Variants in C16orf96 observed in about 807,000 individuals in gnomAD.
The protein encoded by C16orf96 is uncharacterized protein C16orf96.
In C16orf96, 108 loss-of-function variants were observed where a neutral mutation model predicts 103.6. The observed-to-expected ratio is 1.04, with a 90% CI of 0.89 to 1.22. The LOEUF (loss-of-function observed/expected upper bound fraction) is 1.22. C16orf96 is among the 50% of genes most tolerant of loss of function. The pLI is 0.00. For synonymous variants in C16orf96, 566 were observed against 593.5 expected (o/e 0.95, Z 0.67); for missense variants, 1,586 against 1,464.2 (o/e 1.08, Z -1.36).
At chr16:4,578,569 C>T (rs558516269) in intron 5 of C16orf96, among the ~76,000 whole-genome samples, 2 of 152,164 alleles carry the variant, frequency 1.3e-5, no homozygotes, top group South Asian at 4.2e-4. Context: ...ACCAACCTGG[C>T]CAACATGGTG....
At chr16:4,548,805 G>A in the C16orf96 span, among the ~76,000 whole-genome samples, 43 of 151,352 alleles carry the variant, frequency 2.8e-4, no homozygotes, top group Non-Finnish European at 3.7e-4. Context: ...CCCGGGAGGC[G>A]GAGGTTGCAG....
At chr16:4,599,204 AC>A in intron 14 of C16orf96, 79 bp from the exon 15 acceptor site, 1 of 1,254,230 alleles carries the variant, frequency 8.0e-7, no homozygotes, top group Non-Finnish European at 1.1e-6. Context: ...CCAGAGGGAG[AC>A]TGCCCAGTGC....
chr16:4,544,105 G>A, the C16orf96 span, among the ~76,000 whole-genome samples: 5 of 152,174 alleles, frequency 3.3e-5, no homozygotes, highest in Admixed American at 6.5e-5. Flanking sequence ...GGTAGGCAAA[G>A]GGTTGGTCCC....
rs535442598 is a variant in C16orf96, at chr16:4,556,425, C to T, written c.-65C>T. On this transcript the variant is annotated 5_prime_UTR_variant, in exon 1 of 16. Coordinates refer to ENST00000444310, the MANE Select transcript of C16orf96 (RefSeq NM_001145011.2). ...CCAGTCCATGTAGCTCTCGGAACCA[C>T]TGAAAGCTACCCCTTGTCCTTGAGG... 1.2e-4 allele frequency: 170 copies of T among 1,452,582 alleles called. 1 individual carries two copies. The South Asian group carries it at 2.2e-3, about 19-fold the overall frequency. 90.0% of individuals were successfully genotyped at this position (1,452,582 alleles called of 1,614,324 possible).
chr16:4,556,471 A>G lies in C16orf96; in HGVS notation c.-19A>G. 1.3e-6 allele frequency: 2 copies of G among 1,505,596 alleles called. No individual in the cohort carries two copies. The highest frequency in any genetic ancestry group is 1.3e-5 in the South Asian group (1 of 77,592). The allele number at this position is 1,505,596 out of a possible 1,614,324, so 93.3% of individuals were successfully genotyped here. ...TGAGGACACCTGGAACCCCAGCCCC[A>G]CTGACCCACCCTGGCAGGATGAGCT... On this transcript the variant is annotated 5_prime_UTR_variant, in exon 1 of 16. Transcript: ENST00000444310.
At chr16:4,581,493 C>T (rs1288384270) in intron 7 of C16orf96, among the ~76,000 whole-genome samples, 24 of 151,596 alleles carry the variant, frequency 1.6e-4, no homozygotes, top group African/African-American at 4.8e-4. Context: ...ATTAGCCGGG[C>T]GTGGTGGCTG....
intron 6 of C16orf96, 77 bp from the exon 7 acceptor site, chr16:4,579,938 A>T: frequency 3.2e-6 from 4 of 1,259,180 alleles, no homozygotes; most frequent in Non-Finnish European, 3.4e-6. Flanking sequence ...CTTGGCCTCA[A>T]CCCTCCCTCA....
At chr16:4,547,685 CTTCCTTCT>C in the C16orf96 span, among the ~76,000 whole-genome samples, 196 of 107,728 alleles carry the variant, frequency 1.8e-3, 3 homozygotes, top group African/African-American at 9.9e-3. Flanking sequence ...TCCTTCCTTC[CTTCCTTCT>C]TTCTTTCTTT....
At position 4,556,669 on chromosome 16, in the gene C16orf96, C is replaced by G. The variant is rs1307541301; in HGVS notation, c.180C>G (p.Ile60Met). 1 of 1,551,520 alleles carries G rather than the reference C, an allele frequency of 6.4e-7. No individual in the cohort carries two copies. Among genetic ancestry groups the G allele is most frequent in the Non-Finnish European group, 8.7e-7 (1 of 1,146,806 alleles). ...TCCTGCAGACCTCGCAGGTGGTCAT[C>G]ATGCCCAGGGAAGGAGACGCCCAGC... is the stretch of plus-strand genomic sequence containing the variant. ...EDFLQTSQVV[I>M]MPREGDAQPI... Residue 60 changes from isoleucine to methionine, a missense_variant, in exon 1 of 16, where the codon ATC (isoleucine) becomes ATG (methionine). By Grantham distance (10) the Ile-to-Met change is conservative. Transcript: ENST00000444310.
chr16:4,598,858 C>T (rs1283047593), intron 14 of C16orf96, among the ~76,000 whole-genome samples: 1 of 152,134 alleles, frequency 6.6e-6, no homozygotes, highest in Admixed American at 6.5e-5. Context: ...TGGTTCACGC[C>T]TGTAATTTCA....
intron 2 of C16orf96, among the ~76,000 whole-genome samples, chr16:4,573,484 G>C (rs1353801763): frequency 6.7e-6 from 1 of 149,048 alleles, no homozygotes; most frequent in Non-Finnish European, 1.5e-5. Context: ...GCGGCATGGT[G>C]GTTCACGCCT....
intron 7 of C16orf96, among the ~76,000 whole-genome samples, chr16:4,585,530 A>C (rs1462432767): frequency 1.3e-5 from 2 of 152,226 alleles, no homozygotes; most frequent in Admixed American, 1.3e-4. Context: ...AACGAGCCCA[A>C]GCCTGCTGGG....
Position 4,574,962 on chromosome 16 carries a change from C to T in C16orf96, c.607-10C>T, listed in dbSNP as rs921369497. 3.2e-6 allele frequency: 5 copies of T among 1,550,970 alleles called. No individual in the cohort carries two copies. Among genetic ancestry groups the T allele is most frequent in the Admixed American group, 2.0e-5 (1 of 50,984 alleles). ...GCTCACAGCCCTCATTTTCTACCCC[C>T]ACCTTGCAGGCTTCTCTCCAGAATA... is the stretch of plus-strand genomic sequence containing the variant. On this transcript the variant is annotated splice_polypyrimidine_tract_variant and intron_variant, in intron 3 of 15. Coordinates refer to ENST00000444310, the MANE Select transcript of C16orf96 (RefSeq NM_001145011.2).
intron 11 of C16orf96, among the ~76,000 whole-genome samples, chr16:4,592,626 G>A (rs1470774251): frequency 1.3e-5 from 2 of 152,216 alleles, no homozygotes; most frequent in African/African-American, 4.8e-5. Context: ...TGTGCCATGT[G>A]TATCCACATT....
At chr16:4,581,485 T>G (rs1270157957) in intron 7 of C16orf96, among the ~76,000 whole-genome samples, 3 of 151,350 alleles carry the variant, frequency 2.0e-5, no homozygotes, top group Non-Finnish European at 2.9e-5. Flanking sequence ...TACAAAAAAT[T>G]AGCCGGGCGT....
the C16orf96 span, among the ~76,000 whole-genome samples, chr16:4,550,630 C>G: frequency 1.1e-4 from 17 of 152,280 alleles, no homozygotes; most frequent in African/African-American, 2.9e-4. Flanking sequence ...CAACAAGGAA[C>G]CTGCAAATGT....
At chr16:4,596,367 C>G (rs1409249927) in intron 14 of C16orf96, among the ~76,000 whole-genome samples, 1 of 152,078 alleles carries the variant, frequency 6.6e-6, no homozygotes, top group Non-Finnish European at 1.5e-5. Context: ...CGCCGTTAAT[C>G]CCAGCTACTC....
Position 4,593,234 on chromosome 16 carries a change from A to G in C16orf96, c.2785A>G (p.Thr929Ala). 6.4e-7 allele frequency: 1 copy of G among 1,550,940 alleles called. No individual in the cohort carries two copies. Among genetic ancestry groups the G allele is most frequent in the Non-Finnish European group, 8.7e-7 (1 of 1,146,798 alleles). ...VEMMTGPQLI[T>A]IRKAHLLSRL... Reference sequence around the variant, plus strand: ...CTTGTCCTCCAACAGACAGCTGATCACCATCCGCAAAGCCCACCTGCTGTC... The same window carrying G: ...CTTGTCCTCCAACAGACAGCTGATCGCCATCCGCAAAGCCCACCTGCTGTC... The change falls in exon 12 of 16, where the codon ACC becomes GCC. Residue 929 changes from threonine (T) to alanine (A), a missense_variant. Thr to Ala is a moderately conservative substitution (Grantham distance 58). Coordinates refer to ENST00000444310, the MANE Select transcript of C16orf96 (RefSeq NM_001145011.2). This position sits in a 1 kb window ranked among gnomAD's most constrained non-coding sequence, Gnocchi z 4.2.
At chr16:4,563,662 G>A (rs899974942) in intron 1 of C16orf96, among the ~76,000 whole-genome samples, 15 of 152,044 alleles carry the variant, frequency 9.9e-5, no homozygotes, top group Non-Finnish European at 4.4e-5. Flanking sequence ...TCTGCCTCCT[G>A]GGTTCAAGCG....
Sources: gnomAD v4.1 joint callset for allele counts (sites outside exome capture counted in the v4.1 genomes callset) on GRCh38, gnomAD v4.1.1 for gene constraint, Gnocchi (gnomAD v3.1) non-coding constraint, MANE v1.5 for transcripts, NCBI Gene and HGNC (gene_info 2026-07-23, HGNC 2026-07-21) for gene names.